Variants in SCHIP1 observed in about 807,000 individuals in gnomAD.
SCHIP1 encodes the protein schwannomin-interacting protein 1.
In SCHIP1, 8 loss-of-function variants were observed where a neutral mutation model predicts 29.7. That is an observed-to-expected ratio of 0.27 (90% confidence interval 0.16 to 0.49). The LOEUF (loss-of-function observed/expected upper bound fraction) is 0.49. Ranked by LOEUF, SCHIP1 falls within the 20% of genes least tolerant of loss-of-function variation. The probability of loss-of-function intolerance (pLI) is 0.99; values close to 1 mark genes in which losing one functional copy is unlikely to be tolerated. For synonymous variants in SCHIP1, 76 were observed against 94.9 expected (o/e 0.80, Z 1.16); for missense variants, 193 against 294.6 (o/e 0.66, Z 2.52).
chr3:159,626,607 C>T, the SCHIP1 span, among the ~76,000 whole-genome samples: 2 of 152,112 alleles, frequency 1.3e-5, no homozygotes, highest in Non-Finnish European at 1.5e-5. Flanking sequence ...ATCCACCAAA[C>T]AAAGCTTAGC....
chr3:159,761,310 G>A, the SCHIP1 span, among the ~76,000 whole-genome samples: 4 of 152,198 alleles, frequency 2.6e-5, no homozygotes, highest in Admixed American at 6.5e-5. Flanking sequence ...TTGTACTTAC[G>A]TAGAATTGAC....
the SCHIP1 span, among the ~76,000 whole-genome samples, chr3:159,603,557 T>C: frequency 6.6e-6 from 1 of 152,140 alleles, no homozygotes; most frequent in Admixed American, 6.5e-5. Context: ...TAACTTTGAA[T>C]GTTTTAAGGA....
At chr3:159,404,461 C>G in the SCHIP1 span, among the ~76,000 whole-genome samples, 3 of 152,100 alleles carry the variant, frequency 2.0e-5, no homozygotes, top group African/African-American at 7.2e-5. Flanking sequence ...GACTGAAGAG[C>G]CCTGGGACCT....
chr3:159,815,507 G>C, the SCHIP1 span, among the ~76,000 whole-genome samples: 1 of 152,184 alleles, frequency 6.6e-6, no homozygotes, highest in Non-Finnish European at 1.5e-5. Flanking sequence ...GACGCCGAAG[G>C]TGTGTCTGGG....
At chr3:159,635,672 T>C in the SCHIP1 span, among the ~76,000 whole-genome samples, 1 of 151,896 alleles carries the variant, frequency 6.6e-6, no homozygotes, top group East Asian at 1.9e-4. Flanking sequence ...GCTTCCTTAC[T>C]CTCATTTGAA....
the SCHIP1 span, among the ~76,000 whole-genome samples, chr3:159,276,842 A>C: frequency 1.3e-5 from 2 of 152,188 alleles, no homozygotes; most frequent in African/African-American, 4.8e-5. Flanking sequence ...CCCCATAAGT[A>C]AACTTAAGTT....
chr3:159,376,582 T>C, the SCHIP1 span, among the ~76,000 whole-genome samples: 2 of 152,234 alleles, frequency 1.3e-5, no homozygotes, highest in Non-Finnish European at 2.9e-5. Flanking sequence ...GTCTGATAAC[T>C]AGGCTTTGGA....
chr3:159,352,569 G>A, the SCHIP1 span, among the ~76,000 whole-genome samples: 1 of 152,006 alleles, frequency 6.6e-6, no homozygotes, highest in Non-Finnish European at 1.5e-5. Flanking sequence ...CTCTGTGTGT[G>A]TGTGCGTGAT....
At chr3:159,559,523 TTAGC>T in the SCHIP1 span, among the ~76,000 whole-genome samples, 3 of 152,226 alleles carry the variant, frequency 2.0e-5, no homozygotes, top group East Asian at 5.8e-4. Flanking sequence ...AGTATGTATA[TTAGC>T]TAGAACATTT....
chr3:159,646,565 C>A, the SCHIP1 span, among the ~76,000 whole-genome samples: 1 of 152,122 alleles, frequency 6.6e-6, no homozygotes, highest in Non-Finnish European at 1.5e-5. Flanking sequence ...TCCCCTTAAC[C>A]TTTCACAGGC....
chr3:159,866,212 G>C, exon 2 of SCHIP1: 1 of 1,613,698 alleles, frequency 6.2e-7, no homozygotes, highest in East Asian at 2.2e-5. Flanking sequence ...GCACTTGGAA[G>C]CTTCTTTGAT....
At chr3:159,331,154 C>T in the SCHIP1 span, among the ~76,000 whole-genome samples, 3 of 152,080 alleles carry the variant, frequency 2.0e-5, no homozygotes, top group Non-Finnish European at 2.9e-5. Flanking sequence ...ATCAGGAGTT[C>T]GTCGTGAGGC....
At chr3:159,384,120 C>T in the SCHIP1 span, among the ~76,000 whole-genome samples, 1 of 151,446 alleles carries the variant, frequency 6.6e-6, no homozygotes, top group Admixed American at 6.6e-5. Context: ...TGCCTAATTG[C>T]CCTGGCCAGC....
chr3:159,756,417 T>C, the SCHIP1 span, among the ~76,000 whole-genome samples: 1 of 152,116 alleles, frequency 6.6e-6, no homozygotes, highest in East Asian at 1.9e-4. Context: ...GGCTGGGACA[T>C]AGGGCACCAA....
the SCHIP1 span, among the ~76,000 whole-genome samples, chr3:159,324,377 A>G: frequency 3.9e-5 from 6 of 152,208 alleles, no homozygotes; most frequent in East Asian, 1.2e-3. Context: ...TTCTGGGGAT[A>G]TAACAGGGTA....
At chr3:159,453,397 G>A in the SCHIP1 span, among the ~76,000 whole-genome samples, 1 of 152,174 alleles carries the variant, frequency 6.6e-6, no homozygotes, top group African/African-American at 2.4e-5. Context: ...GGGAGTGTCT[G>A]TGTTAAAAAC....
the SCHIP1 span, among the ~76,000 whole-genome samples, chr3:159,660,197 C>T: frequency 6.6e-6 from 1 of 151,996 alleles, no homozygotes; most frequent in Admixed American, 6.6e-5. Flanking sequence ...TTAGTGCCCT[C>T]TCTCCTTATC....
chr3:159,895,598 C>T (rs1717984242), intron 6 of SCHIP1, among the ~76,000 whole-genome samples: 1 of 152,090 alleles, frequency 6.6e-6, no homozygotes, highest in South Asian at 2.1e-4. Context: ...CCCCCTCTGC[C>T]CCACTGTCTA....
chr3:159,874,755 G>C (rs1439841560), intron 2 of SCHIP1, among the ~76,000 whole-genome samples: 1 of 152,138 alleles, frequency 6.6e-6, no homozygotes, highest in Non-Finnish European at 1.5e-5. Context: ...TCTGCCCAGC[G>C]TTAATGAGGA....
Sources: gnomAD v4.1 joint callset for allele counts (sites outside exome capture counted in the v4.1 genomes callset) on GRCh38, gnomAD v4.1.1 for gene constraint, MANE v1.5 for transcripts, NCBI Gene and HGNC (gene_info 2026-07-23, HGNC 2026-07-21) for gene names.